The following MSRA variants were observed in gnomAD, a reference collection of about 807,000 sequenced individuals.
MSRA encodes the protein methionine sulfoxide reductase A.
In MSRA, 54 loss-of-function variants were observed where a neutral mutation model predicts 31.3. The observed-to-expected ratio is 1.73, with a 90% CI of 1.39 to 2.17. MSRA has a LOEUF of 2.17. MSRA is among the 30% of genes most tolerant of loss of function. MSRA has a pLI of 0.00. For missense variants in MSRA, 507 were observed against 300.9 expected, an observed-to-expected ratio of 1.69 and a Z score of -5.07; for synonymous variants, 169 against 116.5, an observed-to-expected ratio of 1.45 and a Z score of -2.90.
At chr8:10,125,512 C>G (rs1256412313) in intron 1 of MSRA, among the ~76,000 whole-genome samples, 2 of 152,196 alleles carry the variant, frequency 1.3e-5, no homozygotes, top group Admixed American at 6.5e-5. Context: ...CTGGCTGCAA[C>G]TGGACGGAAG....
chr8:10,214,072 A>C (rs1470851895), intron 2 of MSRA, among the ~76,000 whole-genome samples: 2 of 152,164 alleles, frequency 1.3e-5, no homozygotes, highest in Non-Finnish European at 2.9e-5. Flanking sequence ...ACTGGAAAAC[A>C]TGTTTTCCGG....
intron 3 of MSRA, among the ~76,000 whole-genome samples, chr8:10,254,338 TC>T (rs1798068353): frequency 1.3e-5 from 2 of 152,200 alleles, no homozygotes; most frequent in Admixed American, 6.5e-5. Flanking sequence ...CTGCTTCCCC[TC>T]TCTTCTCTTT....
intron 1 of MSRA, among the ~76,000 whole-genome samples, chr8:10,078,594 G>C (rs814416): frequency 0.96 from 145,935 of 152,316 alleles, 70,108 homozygotes; most frequent in Non-Finnish European, 0.99. Flanking sequence ...CTGTGAAAGT[G>C]TAGGGCTGGC....
chr8:10,285,032 A>AG (rs1461651785), intron 3 of MSRA, among the ~76,000 whole-genome samples: 1 of 151,498 alleles, frequency 6.6e-6, no homozygotes, highest in African/African-American at 2.4e-5. Flanking sequence ...TCTTTAAAAA[A>AG]AAAAAAAGCT....
At chr8:10,373,676 C>G (rs191076161) in intron 5 of MSRA, among the ~76,000 whole-genome samples, 1 of 152,348 alleles carries the variant, frequency 6.6e-6, no homozygotes, top group East Asian at 1.9e-4. Flanking sequence ...GGAAGGAAGC[C>G]AGCATGACTG....
At chr8:10,145,615 T>C (rs1206703169) in intron 1 of MSRA, among the ~76,000 whole-genome samples, 1 of 152,258 alleles carries the variant, frequency 6.6e-6, no homozygotes, top group Non-Finnish European at 1.5e-5. Context: ...TCTGATGATG[T>C]GACCCTGTGA....
At chr8:10,241,170 C>T (rs893555874) in intron 2 of MSRA, among the ~76,000 whole-genome samples, 3 of 152,120 alleles carry the variant, frequency 2.0e-5, no homozygotes, top group African/African-American at 4.8e-5. Flanking sequence ...GTGCAGTGTG[C>T]TTCATTATCA....
At chr8:10,230,853 T>C (rs969822908) in intron 2 of MSRA, among the ~76,000 whole-genome samples, 2 of 152,170 alleles carry the variant, frequency 1.3e-5, no homozygotes, top group African/African-American at 2.4e-5. Flanking sequence ...GGCGTGATTT[T>C]GGCTCACTGC....
At chr8:10,191,969 C>A (rs750010975) in intron 1 of MSRA, among the ~76,000 whole-genome samples, 5 of 152,124 alleles carry the variant, frequency 3.3e-5, no homozygotes, top group African/African-American at 1.2e-4. Flanking sequence ...GATCAGTGTT[C>A]CTCACGAGGC....
At chr8:10,084,739 A>T (rs547135396) in intron 1 of MSRA, among the ~76,000 whole-genome samples, 3 of 152,244 alleles carry the variant, frequency 2.0e-5, no homozygotes. Flanking sequence ...GTGTGGCTAT[A>T]GTAAGTGCTA....
chr8:10,415,279 T>G (rs1272818254), intron 5 of MSRA, among the ~76,000 whole-genome samples: 1 of 152,082 alleles, frequency 6.6e-6, no homozygotes, highest in Non-Finnish European at 1.5e-5. Flanking sequence ...AAGTTATGCT[T>G]GGAATTTGTG....
rs574197333 is a variant in MSRA at position 10,416,210 on chromosome 8, G to T, written c.544-11938G>T. 5.9e-4 allele frequency among the ~76,000 whole-genome samples: 90 copies of T among 152,288 alleles called. 1 individual carries two copies. Among genetic ancestry groups the T allele is most frequent in the African/African-American group, 2.1e-3 (86 of 41,560 alleles). On this transcript the variant is annotated intron_variant, in intron 5 of 5. Transcript: ENST00000317173. ...CAGGGCTTGTGCTGTTCATCCCTGT[G>T]TTCCTCGTGCCTAGCCCGGTCCTTG...
At chr8:10,211,711 G>T (rs1394797801) in intron 2 of MSRA, among the ~76,000 whole-genome samples, 4 of 152,090 alleles carry the variant, frequency 2.6e-5, no homozygotes, top group Admixed American at 2.6e-4. Flanking sequence ...GGCTTCCTCA[G>T]GTATGAGAAC....
chr8:10,092,136 T>C (rs1345330890), intron 1 of MSRA, among the ~76,000 whole-genome samples: 1 of 152,214 alleles, frequency 6.6e-6, no homozygotes, highest in Non-Finnish European at 1.5e-5. Context: ...TCCTGTTCTT[T>C]ATTTCATTTA....
At chr8:10,189,161 T>C (rs1488970191) in intron 1 of MSRA, among the ~76,000 whole-genome samples, 2 of 152,208 alleles carry the variant, frequency 1.3e-5, no homozygotes, top group Non-Finnish European at 2.9e-5. Context: ...AAATTAACAT[T>C]TCATTTGTTG....
intron 1 of MSRA, among the ~76,000 whole-genome samples, chr8:10,117,831 A>C (rs1350339215): frequency 6.6e-6 from 1 of 152,220 alleles, no homozygotes; most frequent in Non-Finnish European, 1.5e-5. Context: ...ATTTACTCTC[A>C]TTTTCAGTCA....
At chr8:10,409,931 G>A (rs919459519) in intron 5 of MSRA, among the ~76,000 whole-genome samples, 14 of 152,292 alleles carry the variant, frequency 9.2e-5, no homozygotes, top group East Asian at 3.9e-4. Context: ...TGGGTGGCAC[G>A]TGTCTCTAGT....
At chr8:10,265,085 C>G (rs890818031) in intron 3 of MSRA, among the ~76,000 whole-genome samples, 1 of 152,164 alleles carries the variant, frequency 6.6e-6, no homozygotes, top group African/African-American at 2.4e-5. Flanking sequence ...CACATTTTAC[C>G]TGCAGCTGAT....
intron 1 of MSRA, 107 bp from the exon 2 acceptor site, chr8:10,207,726 A>G (rs936172040): frequency 3.5e-5 from 37 of 1,043,998 alleles, no homozygotes; most frequent in Middle Eastern, 3.2e-4. Flanking sequence ...GCTTGGGTGC[A>G]TTTTTAACTC....
Sources: gnomAD v4.1 joint callset for allele counts (sites outside exome capture counted in the v4.1 genomes callset) on GRCh38, gnomAD v4.1.1 for gene constraint, MANE v1.5 for transcripts, NCBI Gene and HGNC (gene_info 2026-07-23, HGNC 2026-07-21) for gene names.